The following ESCO1 variants were observed in gnomAD, a reference collection of about 807,000 sequenced individuals.
ESCO1 encodes the protein N-acetyltransferase ESCO1.
In ESCO1, 33 loss-of-function variants were observed where a neutral mutation model predicts 83.5. That is an observed-to-expected ratio of 0.40 (90% CI 0.30 to 0.53). ESCO1 has a LOEUF of 0.53. ESCO1 is among the 20% of genes least tolerant of loss of function. The pLI, the probability that ESCO1 is intolerant of heterozygous loss-of-function variation, is 0.63. For synonymous variants in ESCO1, 332 were observed against 324.3 expected (o/e 1.02, Z -0.25); for missense variants, 855 against 968.0 (o/e 0.88, Z 1.55).
chr18:21,542,601 C>A (rs2037920921), intron 8 of ESCO1, among the ~76,000 whole-genome samples: 1 of 152,182 alleles, frequency 6.6e-6, no homozygotes, highest in Non-Finnish European at 1.5e-5. Context: ...AACTTCCATT[C>A]TCCCTTCTTA....
At chr18:21,586,799 T>C (rs1194577127) in intron 1 of ESCO1, among the ~76,000 whole-genome samples, 2 of 152,172 alleles carry the variant, frequency 1.3e-5, no homozygotes, top group Non-Finnish European at 2.9e-5. Flanking sequence ...CTTTCCACTG[T>C]TGAAAGAAGT....
intron 8 of ESCO1, among the ~76,000 whole-genome samples, chr18:21,548,056 G>C (rs2037996471): frequency 6.6e-6 from 1 of 151,978 alleles, no homozygotes. Flanking sequence ...GAGCTGAGAT[G>C]GCGCCACTGC....
chr18:21,539,473 G>C (rs1356818272), intron 9 of ESCO1, among the ~76,000 whole-genome samples: 1 of 152,136 alleles, frequency 6.6e-6, no homozygotes, highest in African/African-American at 2.4e-5. Flanking sequence ...TTTGAATTGG[G>C]TTATACCCTT....
chr18:21,551,642 G>A (rs758695762), intron 8 of ESCO1, among the ~76,000 whole-genome samples: 8 of 152,160 alleles, frequency 5.3e-5, no homozygotes, highest in South Asian at 2.1e-4. Context: ...CCAGAATTAC[G>A]TGGCCTGACA....
chr18:21,584,850 T>C (rs2038551664), intron 1 of ESCO1, among the ~76,000 whole-genome samples: 3 of 151,878 alleles, frequency 2.0e-5, no homozygotes, highest in African/African-American at 7.3e-5. Context: ...CCTGTGATGA[T>C]TTTTCACAAT....
intron 10 of ESCO1, among the ~76,000 whole-genome samples, chr18:21,534,835 A>G (rs1264917685): frequency 2.0e-5 from 3 of 152,052 alleles, no homozygotes; most frequent in Non-Finnish European, 2.9e-5. Flanking sequence ...CATGTTGGCC[A>G]GGCTGGTCTC....
At position 21,574,834 on chromosome 18, in the gene ESCO1, T is replaced by C. The variant is rs1395684747; in HGVS notation, c.10A>G (p.Ile4Val). The change falls in exon 4 of 12, where the codon ATT (isoleucine) becomes GTT (valine). Residue 4 changes from isoleucine (I) to valine (V), a missense_variant. This residue lies in a region of ESCO1 where 726 missense variants were observed against 699.5 expected (regional missense o/e 1.04). Coordinates refer to ENST00000269214, the MANE Select transcript of ESCO1 (RefSeq NM_052911.3). The part of the protein sequence containing the change: MMS[I>V]QEKSKENSSK... ...GAATTCTCTTTTGATTTCTCCTGAATGGACATCATTCCTGAGTAATGACTT... is the reference window on the plus strand; with the variant it reads ...GAATTCTCTTTTGATTTCTCCTGAACGGACATCATTCCTGAGTAATGACTT... 1.3e-6 allele frequency: 2 copies of C among 1,586,100 alleles called. No individual in the cohort carries two copies. Among genetic ancestry groups the C allele is most frequent in the South Asian group, 2.3e-5 (2 of 87,668 alleles).
intron 8 of ESCO1, chr18:21,540,655 T>C: frequency 7.5e-7 from 1 of 1,335,384 alleles, no homozygotes; most frequent in South Asian, 1.2e-5. Context: ...AGAGAGGTAA[T>C]AAACTCTTCT....
At chr18:21,564,437 C>A (rs1159390349) in intron 6 of ESCO1, 120 bp from the exon 7 acceptor site, 6 of 672,758 alleles carry the variant, frequency 8.9e-6, no homozygotes, top group Non-Finnish European at 1.4e-5. Context: ...GTCGCCCAGG[C>A]TGGAGTGCAG....
intron 2 of ESCO1, among the ~76,000 whole-genome samples, chr18:21,582,772 G>A (rs1284322725): frequency 1.3e-5 from 2 of 152,208 alleles, no homozygotes; most frequent in African/African-American, 4.8e-5. Flanking sequence ...ACTGGCCAAA[G>A]ATCAAGAAGT....
chr18:21,535,791 T>G (rs2037829547), intron 10 of ESCO1, among the ~76,000 whole-genome samples: 1 of 152,182 alleles, frequency 6.6e-6, no homozygotes, highest in Admixed American at 6.5e-5. Flanking sequence ...GCTGGGATTA[T>G]AGGCGTGAGC....
At chr18:21,588,688 G>A (rs552468731) in intron 1 of ESCO1, among the ~76,000 whole-genome samples, 205 of 152,188 alleles carry the variant, frequency 1.3e-3, no homozygotes, top group African/African-American at 4.5e-3. Flanking sequence ...AGGCTGAGGC[G>A]TGCAAATCTC....
chr18:21,553,856 C>A (rs1420085264), intron 8 of ESCO1, among the ~76,000 whole-genome samples: 3 of 145,480 alleles, frequency 2.1e-5, no homozygotes, highest in Non-Finnish European at 4.5e-5. Flanking sequence ...AAGAAGGAAA[C>A]TCTGTCAAAA....
intron 1 of ESCO1, among the ~76,000 whole-genome samples, chr18:21,584,720 G>A (rs1013192943): frequency 6.6e-6 from 1 of 152,106 alleles, no homozygotes; most frequent in Non-Finnish European, 1.5e-5. Flanking sequence ...TTCGGAGGCT[G>A]AGGTGGGCGT....
intron 8 of ESCO1, among the ~76,000 whole-genome samples, chr18:21,544,400 A>G (rs759939501): frequency 6.6e-6 from 1 of 151,890 alleles, no homozygotes; most frequent in Non-Finnish European, 1.5e-5. Context: ...TGAGGTCAGA[A>G]GTTCGAGACC....
chr18:21,554,292 T>A (rs542054637), intron 8 of ESCO1, among the ~76,000 whole-genome samples: 1 of 152,368 alleles, frequency 6.6e-6, no homozygotes, highest in East Asian at 1.9e-4. Flanking sequence ...AGCGTCTTGG[T>A]ATTTACCAAA....
intron 2 of ESCO1, 143 bp from the exon 3 acceptor site, chr18:21,575,920 G>T (rs554705935): frequency 2.6e-6 from 1 of 389,824 alleles, no homozygotes; most frequent in South Asian, 1.4e-4. Context: ...CATATTACAC[G>T]TACAGTATTT....
intron 1 of ESCO1, among the ~76,000 whole-genome samples, chr18:21,592,258 C>T: frequency 6.7e-6 from 1 of 149,950 alleles, no homozygotes. Flanking sequence ...CGGGCAGAGG[C>T]GCCCCTCACC....
At chr18:21,558,136 C>G (rs934411089) in intron 8 of ESCO1, among the ~76,000 whole-genome samples, 2 of 151,878 alleles carry the variant, frequency 1.3e-5, no homozygotes, top group African/African-American at 2.4e-5. Context: ...CAGGCGCATG[C>G]CACCACGCCC....
Sources: gnomAD v4.1 joint callset for allele counts (sites outside exome capture counted in the v4.1 genomes callset) on GRCh38, gnomAD v4.1.1 for gene constraint, gnomAD v4.1.1 regional missense constraint, MANE v1.5 for transcripts, NCBI Gene and HGNC (gene_info 2026-07-23, HGNC 2026-07-21) for gene names.